CTXND2: variants seen among roughly 807,000 people sequenced by gnomAD.
The protein encoded by CTXND2 is cortexin domain containing 2.
intron 1 of CTXND2, among the ~76,000 whole-genome samples, chr1:150,907,182 TTA>T (rs1669162842): frequency 6.6e-6 from 1 of 152,242 alleles, no homozygotes; most frequent in Non-Finnish European, 1.5e-5. Context: ...ACCAGCTTTA[TTA>T]AGATATAATT....
At chr1:150,889,233 C>T (rs1383785375) in intron 1 of CTXND2, among the ~76,000 whole-genome samples, 1 of 151,814 alleles carries the variant, frequency 6.6e-6, no homozygotes, top group East Asian at 1.9e-4. Flanking sequence ...CAGGATGAGA[C>T]CCCGTCTCTA....
chr1:150,891,299 C>T (rs1369957008), intron 1 of CTXND2, among the ~76,000 whole-genome samples: 3 of 151,960 alleles, frequency 2.0e-5, no homozygotes, highest in Admixed American at 1.3e-4. Flanking sequence ...CTACAACCTC[C>T]GCCTCTTGGG....
chr1:150,907,615 A>T (rs979233611), intron 1 of CTXND2, among the ~76,000 whole-genome samples: 5 of 152,146 alleles, frequency 3.3e-5, no homozygotes, highest in African/African-American at 1.2e-4. Context: ...TGCTGCTACA[A>T]ACATTCTTGT....
chr1:150,905,600 C>T (rs1465557739), intron 1 of CTXND2, among the ~76,000 whole-genome samples: 1 of 150,622 alleles, frequency 6.6e-6, no homozygotes, highest in African/African-American at 2.4e-5. Flanking sequence ...AAGAAAGCTG[C>T]AACAATTAGA....
At chr1:150,888,013 A>T (rs1390007978) in intron 1 of CTXND2, among the ~76,000 whole-genome samples, 1 of 151,874 alleles carries the variant, frequency 6.6e-6, no homozygotes, top group Non-Finnish European at 1.5e-5. Context: ...CTCCTACTAT[A>T]ATCCCAAGAA....
At chr1:150,892,025 A>T (rs914339738) in intron 1 of CTXND2, among the ~76,000 whole-genome samples, 17 of 152,220 alleles carry the variant, frequency 1.1e-4, no homozygotes, top group African/African-American at 3.6e-4. Context: ...TAAGGAGAAT[A>T]AATGAAAGGA....
chr1:150,888,338 C>T lies in CTXND2; in HGVS notation c.-74+1025C>T, dbSNP rs587603110. Among the ~76,000 whole-genome samples, 359 of 151,534 alleles carry T rather than the reference C, an allele frequency of 2.4e-3. 1 individual carries two copies. The highest frequency in any genetic ancestry group is 4.0e-3 in the South Asian group (19 of 4,776). On this transcript the variant is annotated intron_variant, in intron 1 of 1. Coordinates refer to ENST00000636087, the Ensembl canonical transcript of CTXND2. ...AAGCAATTCTCCTGCCTCAGCCTCC[C>T]GAGTAGCTGGGACTACAGGCGTGCA...
At chr1:150,897,105 A>G (rs905603825) in intron 1 of CTXND2, among the ~76,000 whole-genome samples, 1 of 152,188 alleles carries the variant, frequency 6.6e-6, no homozygotes, top group African/African-American at 2.4e-5. Flanking sequence ...AGGTTAGAAT[A>G]AATTGTCAAG....
chr1:150,902,210 G>A (rs1422598420), intron 1 of CTXND2, among the ~76,000 whole-genome samples: 1 of 152,010 alleles, frequency 6.6e-6, no homozygotes, highest in African/African-American at 2.4e-5. Context: ...GACCATCCTG[G>A]ATAACACAGT....
chr1:150,905,062 CCACACACACACACACACACACA>C (rs58415621), intron 1 of CTXND2, among the ~76,000 whole-genome samples: 9 of 130,766 alleles, frequency 6.9e-5, no homozygotes, highest in Non-Finnish European at 9.6e-5. Flanking sequence ...AAAAAGAAAA[CCACACACACACACACACACACA>C]CACACACACA....
At chr1:150,903,377 C>T (rs1420870321) in intron 1 of CTXND2, among the ~76,000 whole-genome samples, 1 of 152,092 alleles carries the variant, frequency 6.6e-6, no homozygotes, top group African/African-American at 2.4e-5. Flanking sequence ...CCTTTCCCTG[C>T]CTTGGATTCT....
At chr1:150,900,000 A>G (rs1426415253) in intron 1 of CTXND2, among the ~76,000 whole-genome samples, 2 of 152,176 alleles carry the variant, frequency 1.3e-5, no homozygotes, top group African/African-American at 2.4e-5. Context: ...AAATGGACCA[A>G]TCAGTGCTCT....
intron 1 of CTXND2, among the ~76,000 whole-genome samples, chr1:150,902,674 G>A (rs1260480344): frequency 1.3e-5 from 2 of 151,956 alleles, no homozygotes; most frequent in African/African-American, 2.4e-5. Context: ...TGTAATTTTT[G>A]TATAGTTCTG....
chr1:150,900,505 C>A (rs775110799), intron 1 of CTXND2, among the ~76,000 whole-genome samples: 88 of 152,288 alleles, frequency 5.8e-4, no homozygotes, highest in Non-Finnish European at 1.1e-3. Context: ...GGAACCAATT[C>A]TCGACACAAT....
chr1:150,911,636 T>C (rs1160951019), intron 1 of CTXND2, among the ~76,000 whole-genome samples: 2 of 152,012 alleles, frequency 1.3e-5, no homozygotes, highest in Non-Finnish European at 2.9e-5. Context: ...TTTCACCATG[T>C]TGTCCAGGCT....
chr1:150,905,680 T>C (rs1669130362), intron 1 of CTXND2, among the ~76,000 whole-genome samples: 1 of 152,034 alleles, frequency 6.6e-6, no homozygotes, highest in Non-Finnish European at 1.5e-5. Flanking sequence ...TCCCACCCCT[T>C]GTCCCACCAC....
intron 1 of CTXND2, among the ~76,000 whole-genome samples, chr1:150,891,235 G>C (rs1489236160): frequency 6.7e-6 from 1 of 150,328 alleles, no homozygotes; most frequent in African/African-American, 2.4e-5. Flanking sequence ...TTTTTTGTGA[G>C]ACGGAGTCTC....
chr1:150,904,112 A>G, intron 1 of CTXND2: 1 of 663,994 alleles, frequency 1.5e-6, no homozygotes, highest in Non-Finnish European at 2.8e-6. Flanking sequence ...GGAAAATCCC[A>G]AGAAGTACAT....
chr1:150,898,806 G>A (rs763923423), intron 1 of CTXND2, among the ~76,000 whole-genome samples: 136 of 149,352 alleles, frequency 9.1e-4, no homozygotes, highest in Non-Finnish European at 1.6e-3. Flanking sequence ...GCCCGGGCAC[G>A]GTGGCTCACG....
Sources: allele counts gnomAD v4.1 joint callset (sites outside exome capture counted in the v4.1 genomes callset), GRCh38; gene constraint gnomAD v4.1.1; transcripts MANE v1.5; gene names NCBI Gene and HGNC (gene_info 2026-07-23, HGNC 2026-07-21).